The following MLPH variants were observed in gnomAD, a reference collection of about 807,000 sequenced individuals.
MLPH encodes the protein exophilin-3.
In MLPH, 51 loss-of-function variants were observed where a neutral mutation model predicts 72.1. The observed-to-expected ratio is 0.71, with a 90% CI of 0.56 to 0.89. The LOEUF is 0.89. Ranked by LOEUF, MLPH falls within the 40% of genes least tolerant of loss-of-function variation. MLPH has a pLI of 0.00. For missense variants in MLPH, 743 were observed against 759.9 expected (o/e 0.98, Z 0.26); for synonymous variants, 301 against 310.1 (o/e 0.97, Z 0.31).
intron 2 of MLPH, among the ~76,000 whole-genome samples, chr2:237,508,661 T>A (rs1334311299): frequency 6.6e-6 from 1 of 152,206 alleles, no homozygotes; most frequent in Admixed American, 6.5e-5. Context: ...TGAAGACCAC[T>A]CTTCGAAATC....
At position 237,523,565 on chromosome 2, in the gene MLPH, A is replaced by C. The variant is rs182246555; in HGVS notation, c.676-2036A>C. On this transcript the variant is annotated intron_variant, in intron 6 of 15. Transcript: ENST00000264605. Reference sequence around the variant, plus strand: ...AGGTCCACAATCTAATGTTTTGGTTAAACTATAGCTACAGCATGCAAACCC... The same window carrying C: ...AGGTCCACAATCTAATGTTTTGGTTCAACTATAGCTACAGCATGCAAACCC... Among the ~76,000 whole-genome samples, 4 of 152,338 alleles carry C rather than the reference A, an allele frequency of 2.6e-5. No individual in the cohort carries two copies. In the East Asian group the frequency reaches 7.7e-4, roughly 29 times the overall value.
At chr2:237,502,614 A>T (rs991365004) in intron 2 of MLPH, among the ~76,000 whole-genome samples, 6 of 152,160 alleles carry the variant, frequency 3.9e-5, no homozygotes, top group African/African-American at 1.4e-4. Flanking sequence ...TGGGTGACTC[A>T]TGCCCTGGGG....
chr2:237,501,510 A>G lies in MLPH; in HGVS notation c.110+7974A>G, dbSNP rs1358120679. Among the ~76,000 whole-genome samples the G allele has an allele frequency of 2.6e-5, 4 of 151,868 alleles. No individual in the cohort carries two copies. In the East Asian group the frequency reaches 7.7e-4, roughly 29 times the overall value. On this transcript the variant is annotated intron_variant, in intron 2 of 15. Coordinates refer to ENST00000264605, the MANE Select transcript of MLPH (RefSeq NM_024101.7). ...GTTCCTCTCATCTCCTATTTCCCCCATAAATATATATTACATCTAAAATAA... is the reference window on the plus strand; with the variant it reads ...GTTCCTCTCATCTCCTATTTCCCCCGTAAATATATATTACATCTAAAATAA...
chr2:237,515,588 C>T (rs1000810237), intron 4 of MLPH, among the ~76,000 whole-genome samples: 69 of 152,288 alleles, frequency 4.5e-4, no homozygotes, highest in Middle Eastern at 3.4e-3. Context: ...GGTTGAAATG[C>T]TGTTAACTGA....
intron 9 of MLPH, among the ~76,000 whole-genome samples, chr2:237,537,018 C>T (rs13405619): frequency 0.2 from 30,245 of 152,216 alleles, 3,645 homozygotes; most frequent in African/African-American, 0.33. Flanking sequence ...ACACTGCTCG[C>T]GGAATGGCCC....
Position 237,519,966 on chromosome 2 carries a change from C to T in MLPH, c.612C>T (p.Ser204=). The T allele has an allele frequency of 6.2e-7, 1 of 1,614,060 alleles. No individual in the cohort carries two copies. ...DFDFEGDSDD[S]TQPQGHSLHL... ...ACTTCGAGGGAGACTCAGATGACTC[C>T]ACTCAGCCTCAAGGTCACTCCCTGC... The change falls in exon 6 of 16, where the codon TCC becomes TCT. Residue 204 remains serine, a synonymous_variant. Coordinates refer to ENST00000264605, the MANE Select transcript of MLPH (RefSeq NM_024101.7).
rs766975904 is a variant in MLPH at position 237,517,689 on chromosome 2, A to G, written c.446-850A>G. Among the ~76,000 whole-genome samples, 11 of 55,272 alleles carry G rather than the reference A, an allele frequency of 2.0e-4. No homozygotes were observed. The African/African-American group carries it at 3.0e-3, about 15-fold the overall frequency. The allele number at this position is 55,272 out of a possible 152,430, so 36.3% of individuals were successfully genotyped here. ...GGTGAATGAGTGGGTAGATGGGTGG[A>G]TGGATGGATGGATGGATGGATGGAT... is the stretch of plus-strand genomic sequence containing the variant. On this transcript the variant is annotated intron_variant, in intron 4 of 15. Coordinates refer to ENST00000264605, the MANE Select transcript of MLPH (RefSeq NM_024101.7).
intron 2 of MLPH, 89 bp downstream of exon 2, chr2:237,493,625 GC>G: frequency 1.1e-6 from 1 of 913,272 alleles, no homozygotes; most frequent in Non-Finnish European, 1.8e-6. Flanking sequence ...TGGGTCAACA[GC>G]CACGTGCAGG....
At chr2:237,493,683 T>C in intron 2 of MLPH, 147 bp downstream of exon 2, 1 of 669,742 alleles carries the variant, frequency 1.5e-6, no homozygotes, top group South Asian at 1.5e-5. Flanking sequence ...CAGCTCTTCT[T>C]TCTGGCCTTG....
intron 2 of MLPH, among the ~76,000 whole-genome samples, chr2:237,498,834 A>G (rs973448130): frequency 6.6e-6 from 1 of 152,212 alleles, no homozygotes; most frequent in Non-Finnish European, 1.5e-5. Context: ...GATGTACAAA[A>G]TTAGGATGTT....
intron 4 of MLPH, chr2:237,511,427 T>C (rs1340163274): frequency 1.7e-5 from 6 of 358,790 alleles, no homozygotes; most frequent in Non-Finnish European, 2.7e-5. Flanking sequence ...GGCTCCTTTT[T>C]ATGTGAGGTG....
chr2:237,532,871 G>C (rs1677887470), intron 8 of MLPH, among the ~76,000 whole-genome samples: 1 of 152,198 alleles, frequency 6.6e-6, no homozygotes, highest in Admixed American at 6.5e-5. Flanking sequence ...ATTTATTCTT[G>C]AACAAGCATC....
intron 8 of MLPH, among the ~76,000 whole-genome samples, chr2:237,533,147 C>A (rs1346959684): frequency 2.0e-5 from 3 of 152,216 alleles, no homozygotes; most frequent in Non-Finnish European, 4.4e-5. Context: ...AAGATGGGAG[C>A]TAGTTTTGCA....
In MLPH at chr2:237,553,714, G is replaced by A. The variant is rs1422592523; in HGVS notation, c.*122G>A. 3.6e-6 allele frequency: 5 copies of A among 1,377,418 alleles called. No homozygotes were observed. The highest frequency in any genetic ancestry group is 5.2e-6 in the Non-Finnish European group (5 of 964,574). 85.3% of individuals were successfully genotyped at this position (1,377,418 alleles called of 1,614,324 possible). A position where few individuals can be genotyped will look rare whatever the true frequency, so the allele number is the denominator to read the frequency against. Reference sequence around the variant, plus strand: ...TCACCGTCCCAATGAGAAACAAGAAGGAGCACCCTCCACATGGACTCCCAC... The same window carrying A: ...TCACCGTCCCAATGAGAAACAAGAAAGAGCACCCTCCACATGGACTCCCAC... On this transcript the variant is annotated 3_prime_UTR_variant, in exon 16 of 16. Transcript: ENST00000264605.
At chr2:237,533,798 T>C (rs977573019) in intron 8 of MLPH, among the ~76,000 whole-genome samples, 9 of 152,270 alleles carry the variant, frequency 5.9e-5, no homozygotes, top group Middle Eastern at 3.4e-3. Flanking sequence ...ACTGAAATCC[T>C]GGTGTTGACA....
chr2:237,545,204 G>GC (rs1195764527), intron 12 of MLPH, among the ~76,000 whole-genome samples: 10 of 82,150 alleles, frequency 1.2e-4, no homozygotes, highest in East Asian at 8.6e-4. Flanking sequence ...GGTGAGTGGG[G>GC]ACAGTGGTGA....
intron 8 of MLPH, 71 bp downstream of exon 8, chr2:237,527,587 C>T: frequency 6.3e-7 from 1 of 1,587,974 alleles, no homozygotes; most frequent in Non-Finnish European, 8.6e-7. Flanking sequence ...CACACCAAGT[C>T]ACTTTAGAGA....
chr2:237,551,658 T>C (rs1326858857), intron 14 of MLPH, among the ~76,000 whole-genome samples: 2 of 152,198 alleles, frequency 1.3e-5, no homozygotes, highest in South Asian at 2.1e-4. Context: ...CTGAGACCCC[T>C]TGGGCTGTTG....
rs554152200 is a variant in MLPH, at chr2:237,518,594, G to A, written c.501G>A (p.Glu167=). ...ERSGDSDQTD[E]DGEPGSEAQA... ...GTGGAGACAGCGACCAGACAGATGA[G>A]GATGGAGAACCTGGCTCAGAGGCCC... is the stretch of plus-strand genomic sequence containing the variant. The change falls in exon 5 of 16, where the codon GAG becomes GAA. Residue 167 remains glutamate (E), a synonymous_variant. Transcript: ENST00000264605. 1 of 1,613,856 alleles carries A rather than the reference G, an allele frequency of 6.2e-7. No individual in the cohort carries two copies. The highest frequency in any genetic ancestry group is 8.5e-7 in the Non-Finnish European group (1 of 1,179,924).
Sources: gnomAD v4.1 joint callset for allele counts (sites outside exome capture counted in the v4.1 genomes callset) on GRCh38, gnomAD v4.1.1 for gene constraint, MANE v1.5 for transcripts, NCBI Gene and HGNC (gene_info 2026-07-23, HGNC 2026-07-21) for gene names.